The following TNR variants were observed in gnomAD, a reference collection of about 807,000 sequenced individuals.
TNR encodes the protein tenascin-R.
TNR carries 45 observed loss-of-function variants against 150.4 expected under a neutral mutation model. That is an observed-to-expected ratio of 0.30 (90% CI 0.24 to 0.38). TNR has a LOEUF of 0.38. TNR is among the 10% of genes least tolerant of loss of function. The probability of loss-of-function intolerance (pLI) is 1.00; values close to 1 mark genes in which losing one functional copy is unlikely to be tolerated. For missense variants in TNR, 1,544 were observed against 1,759.1 expected, an observed-to-expected ratio of 0.88 and a Z score of 2.19; for synonymous variants, 687 against 678.4, an observed-to-expected ratio of 1.01 and a Z score of -0.20.
At chr1:175,580,776 G>A (rs947766113) in intron 1 of TNR, among the ~76,000 whole-genome samples, 1 of 152,160 alleles carries the variant, frequency 6.6e-6, no homozygotes, top group African/African-American at 2.4e-5. Context: ...GTCAATTAAG[G>A]GCAGCTTGCC....
At chr1:175,531,831 G>A (rs1660081579) in intron 1 of TNR, among the ~76,000 whole-genome samples, 1 of 152,240 alleles carries the variant, frequency 6.6e-6, no homozygotes, top group African/African-American at 2.4e-5. Context: ...ACACAGGTGA[G>A]TTCAGCCATC....
At chr1:175,627,313 A>T (rs1277499958) in intron 1 of TNR, among the ~76,000 whole-genome samples, 2 of 152,070 alleles carry the variant, frequency 1.3e-5, no homozygotes, top group Non-Finnish European at 2.9e-5. Flanking sequence ...GGGATGAAAA[A>T]CTCTGATCCT....
chr1:175,657,925 AAAGTAT>A (rs992098924), intron 1 of TNR, among the ~76,000 whole-genome samples: 16 of 97,220 alleles, frequency 1.6e-4, no homozygotes, highest in African/African-American at 4.9e-4. Flanking sequence ...CCTAAAACTT[AAAGTAT>A]AATAAAAAAA....
intron 1 of TNR, among the ~76,000 whole-genome samples, chr1:175,641,349 G>A (rs1318830950): frequency 6.6e-6 from 1 of 151,960 alleles, no homozygotes; most frequent in East Asian, 1.9e-4. Flanking sequence ...GAGGGAGAGA[G>A]AAAGAACATC....
chr1:175,479,993 G>C (rs1375555917), intron 2 of TNR, among the ~76,000 whole-genome samples: 1 of 152,098 alleles, frequency 6.6e-6, no homozygotes, highest in Non-Finnish European at 1.5e-5. Context: ...GCAAGGTCAG[G>C]TGGTGATACC....
At chr1:175,495,311 C>T (rs745724099) in intron 2 of TNR, among the ~76,000 whole-genome samples, 2 of 152,176 alleles carry the variant, frequency 1.3e-5, no homozygotes, top group Non-Finnish European at 2.9e-5. Context: ...TTTTTGAGCT[C>T]CTCAAGGGCA....
intron 1 of TNR, among the ~76,000 whole-genome samples, chr1:175,562,232 T>G (rs561235931): frequency 6.6e-6 from 1 of 152,338 alleles, no homozygotes; most frequent in East Asian, 1.9e-4. Context: ...CCATTTTTTC[T>G]CCAGCACTGA....
chr1:175,441,776 C>G (rs1008056163), intron 2 of TNR, among the ~76,000 whole-genome samples: 4 of 152,064 alleles, frequency 2.6e-5, no homozygotes, highest in Admixed American at 6.5e-5. Context: ...GATTTCTGAC[C>G]AGCTATTTCT....
intron 4 of TNR, among the ~76,000 whole-genome samples, chr1:175,401,875 C>T (rs1229560505): frequency 2.0e-5 from 3 of 152,178 alleles, no homozygotes; most frequent in Non-Finnish European, 4.4e-5. Context: ...CCAGTGGGCT[C>T]TCTGAGCCCT....
intron 1 of TNR, among the ~76,000 whole-genome samples, chr1:175,549,782 G>A (rs1660862677): frequency 6.6e-6 from 1 of 152,138 alleles, no homozygotes; most frequent in African/African-American, 2.4e-5. Context: ...CAACTACAAG[G>A]AAATGAATTC....
At chr1:175,429,486 AT>A (rs992867649) in intron 2 of TNR, among the ~76,000 whole-genome samples, 2 of 152,296 alleles carry the variant, frequency 1.3e-5, no homozygotes, top group African/African-American at 4.8e-5. Context: ...GTGATGATTA[AT>A]TTAACTAATA....
intron 2 of TNR, among the ~76,000 whole-genome samples, chr1:175,510,081 T>C (rs545528013): frequency 9.9e-5 from 15 of 151,896 alleles, no homozygotes; most frequent in African/African-American, 3.6e-4. Context: ...ATATAAAAAT[T>C]AGCTGTATGT....
chr1:175,325,770 A>G lies in TNR; in HGVS notation c.3794-1251T>C, dbSNP rs374624226. ...ATTCTCAGCAAACTATCTCAAGGAC[A>G]GAAAACCAAACACAGCATGTTCTCA... On this transcript the variant is annotated intron_variant, in intron 21 of 22. Coordinates refer to ENST00000367674, the MANE Select transcript of TNR (RefSeq NM_003285.3). Among the ~76,000 whole-genome samples the G allele has an allele frequency of 5.9e-5, 9 of 152,306 alleles. No individual in the cohort carries two copies. In the East Asian group the frequency reaches 9.7e-4, roughly 16 times the overall value.
intron 1 of TNR, among the ~76,000 whole-genome samples, chr1:175,731,050 T>C (rs535892901): frequency 6.6e-6 from 1 of 152,276 alleles, no homozygotes; most frequent in East Asian, 1.9e-4. Context: ...TCAGAACATA[T>C]TGTAGTAATA....
intron 1 of TNR, among the ~76,000 whole-genome samples, chr1:175,610,458 C>A (rs1354532828): frequency 6.6e-6 from 1 of 152,226 alleles, no homozygotes; most frequent in East Asian, 1.9e-4. Context: ...GTTAACCAAA[C>A]TTTAGTTAAG....
chr1:175,595,276 C>A (rs1662964549), intron 1 of TNR, among the ~76,000 whole-genome samples: 1 of 152,270 alleles, frequency 6.6e-6, no homozygotes, highest in South Asian at 2.1e-4. Context: ...ACAGACACAG[C>A]CTCAGAAAAT....
intron 6 of TNR, among the ~76,000 whole-genome samples, 159 bp from the exon 7 acceptor site, chr1:175,391,597 A>G (rs1430840229): frequency 1.3e-5 from 2 of 152,238 alleles, no homozygotes. Flanking sequence ...ATCTGGGGCC[A>G]GAAATAACTC....
chr1:175,368,369 G>A (rs997806142), intron 9 of TNR, among the ~76,000 whole-genome samples: 3 of 152,268 alleles, frequency 2.0e-5, no homozygotes, highest in East Asian at 1.9e-4. Flanking sequence ...AGCTTGAAAC[G>A]ATCAAATCTG....
chr1:175,538,475 T>C (rs953450096), intron 1 of TNR, among the ~76,000 whole-genome samples: 1 of 152,210 alleles, frequency 6.6e-6, no homozygotes, highest in African/African-American at 2.4e-5. Flanking sequence ...AATGAAAATA[T>C]ATTTTCTTTA....
Sources: allele counts gnomAD v4.1 joint callset (sites outside exome capture counted in the v4.1 genomes callset), GRCh38; gene constraint gnomAD v4.1.1; transcripts MANE v1.5; gene names NCBI Gene and HGNC (gene_info 2026-07-23, HGNC 2026-07-21).